COPS3: variants seen among roughly 807,000 people sequenced by gnomAD.
COPS3 encodes COP9 signalosome complex subunit 3.
In COPS3, 10 loss-of-function variants were observed where a neutral mutation model predicts 58.2. The observed-to-expected ratio is 0.17, with a 90% confidence interval of 0.11 to 0.29. COPS3 has a LOEUF of 0.29. Among genes scored for constraint, COPS3 ranks in the 10% least tolerant of loss-of-function variants. The pLI, the probability that COPS3 is intolerant of heterozygous loss-of-function variation, is 1.00. For missense variants in COPS3, 333 were observed against 510.1 expected (o/e 0.65, Z 3.34); for synonymous variants, 187 against 181.7 (o/e 1.03, Z -0.24).
chr17:17,275,668 G>A (rs996628348), intron 2 of COPS3, among the ~76,000 whole-genome samples: 1 of 152,148 alleles, frequency 6.6e-6, no homozygotes, highest in African/African-American at 2.4e-5. Context: ...CCAGGGCTGG[G>A]CGTGGTGGCT....
chr17:17,280,873 G>C (rs1379930209), intron 1 of COPS3: 2 of 1,077,018 alleles, frequency 1.9e-6, no homozygotes, highest in Non-Finnish European at 2.5e-6. Flanking sequence ...CCGGTGGAAG[G>C]GGCCCAGGCC....
chr17:17,255,318 C>CA (rs1188713921), intron 8 of COPS3, among the ~76,000 whole-genome samples: 31 of 132,982 alleles, frequency 2.3e-4, no homozygotes, highest in African/African-American at 7.8e-4. Context: ...AAACAAAAAA[C>CA]AAAAAAAGAA....
chr17:17,277,429 G>GT (rs962256823), intron 1 of COPS3, among the ~76,000 whole-genome samples: 1 of 152,052 alleles, frequency 6.6e-6, no homozygotes, highest in Admixed American at 6.6e-5. Flanking sequence ...GTTTTGTTTT[G>GT]TTTTTTGAGA....
At chr17:17,280,400 C>CAAA (rs377400440) in intron 1 of COPS3, among the ~76,000 whole-genome samples, 2 of 108,228 alleles carry the variant, frequency 1.8e-5, no homozygotes, top group Non-Finnish European at 3.9e-5. Flanking sequence ...GACTCCGTCT[C>CAAA]AAAAAAAAAA....
chr17:17,249,961 A>G (rs1160681316), intron 9 of COPS3, among the ~76,000 whole-genome samples: 1 of 152,096 alleles, frequency 6.6e-6, no homozygotes, highest in African/African-American at 2.4e-5. Flanking sequence ...ATTGGCATTT[A>G]ATGCATTCTA....
chr17:17,280,547 A>G, intron 1 of COPS3: 1 of 1,046,438 alleles, frequency 9.6e-7, no homozygotes, highest in Non-Finnish European at 1.2e-6. Context: ...GCTAAAAAAA[A>G]ACAAAGAAGA....
chr17:17,255,009 G>GTCC, intron 8 of COPS3, 64 bp from the exon 9 acceptor site: 2 of 1,207,892 alleles, frequency 1.7e-6, no homozygotes, highest in African/African-American at 1.5e-5. Flanking sequence ...TTTATTAAAT[G>GTCC]TGTACAGAGC....
intron 8 of COPS3, among the ~76,000 whole-genome samples, chr17:17,257,812 G>GAA (rs2048011886): frequency 6.9e-6 from 1 of 145,450 alleles, no homozygotes; most frequent in South Asian, 2.1e-4. Flanking sequence ...AAAAAAAAAA[G>GAA]AAAAAGAAAA....
chr17:17,264,512 A>G (rs1332972723), intron 6 of COPS3, among the ~76,000 whole-genome samples: 1 of 152,212 alleles, frequency 6.6e-6, no homozygotes. Flanking sequence ...TTATATGCAA[A>G]GGAAGCTATA....
At chr17:17,271,590 C>A (rs927210412) in intron 2 of COPS3, among the ~76,000 whole-genome samples, 1 of 151,102 alleles carries the variant, frequency 6.6e-6, no homozygotes, top group African/African-American at 2.4e-5. Flanking sequence ...GAGGCCAAGG[C>A]GGGAGGATCA....
rs1003577785 is a variant in COPS3, at chr17:17,247,004, G to A, written c.*94C>T. 3 of 1,086,888 alleles carry A rather than the reference G, an allele frequency of 2.8e-6. No homozygotes were observed. The highest frequency in any genetic ancestry group is 4.3e-6 in the Non-Finnish European group (3 of 699,914). The allele number at this position is 1,086,888 out of a possible 1,614,324, so 67.3% of individuals were successfully genotyped here. A position where few individuals can be genotyped will look rare whatever the true frequency, so the allele number is the denominator to read the frequency against. On this transcript the variant is annotated 3_prime_UTR_variant, in exon 12 of 12. Transcript: ENST00000268717. Reference sequence around the variant, plus strand: ...CAAAACTTAATTTCTTAGTCTCCAGGTGACACAGGCTTGGTCCTCTCTGCT... The same window carrying A: ...CAAAACTTAATTTCTTAGTCTCCAGATGACACAGGCTTGGTCCTCTCTGCT...
intron 9 of COPS3, among the ~76,000 whole-genome samples, chr17:17,250,382 G>A (rs1478564949): frequency 6.6e-6 from 1 of 151,058 alleles, no homozygotes; most frequent in African/African-American, 2.4e-5. Context: ...GGCCTCCTAA[G>A]TAGCTGGGAC....
At chr17:17,279,078 T>A (rs1376487022) in intron 1 of COPS3, among the ~76,000 whole-genome samples, 1 of 152,120 alleles carries the variant, frequency 6.6e-6, no homozygotes, top group East Asian at 1.9e-4. Context: ...TTCACCATGT[T>A]GGCCAGGGTG....
chr17:17,270,693 A>T, intron 4 of COPS3, 65 bp downstream of exon 4: 1 of 1,367,470 alleles, frequency 7.3e-7, no homozygotes, highest in Non-Finnish European at 1.0e-6. Flanking sequence ...TTGATAAAGT[A>T]ATTCATTGTG....
chr17:17,248,440 G>C (rs2047770463), intron 10 of COPS3, among the ~76,000 whole-genome samples: 1 of 152,120 alleles, frequency 6.6e-6, no homozygotes. Flanking sequence ...TCAGCCTCCA[G>C]AGTAGCTGGG....
chr17:17,251,694 A>G (rs2047847116), intron 9 of COPS3, among the ~76,000 whole-genome samples: 1 of 152,196 alleles, frequency 6.6e-6, no homozygotes, highest in South Asian at 2.1e-4. Flanking sequence ...GACTCTCACA[A>G]TGCTGAGCCA....
At chr17:17,277,543 G>A (rs1178462349) in intron 1 of COPS3, among the ~76,000 whole-genome samples, 1 of 151,338 alleles carries the variant, frequency 6.6e-6, no homozygotes, top group Non-Finnish European at 1.5e-5. Flanking sequence ...TTAGCCTCCC[G>A]AGTAGCTGGA....
At chr17:17,275,534 A>G (rs539130065) in intron 2 of COPS3, among the ~76,000 whole-genome samples, 84 of 152,352 alleles carry the variant, frequency 5.5e-4, no homozygotes, top group African/African-American at 2.0e-3. Context: ...AAATATAACA[A>G]GCAATTATTA....
chr17:17,273,040 T>A (rs563212448), intron 2 of COPS3, among the ~76,000 whole-genome samples: 1 of 152,380 alleles, frequency 6.6e-6, no homozygotes, highest in African/African-American at 2.4e-5. Context: ...ACAGTAGAAT[T>A]CTTTTTCTCT....
Sources: gnomAD v4.1 joint callset for allele counts (sites outside exome capture counted in the v4.1 genomes callset) on GRCh38, gnomAD v4.1.1 for gene constraint, MANE v1.5 for transcripts, NCBI Gene and HGNC (gene_info 2026-07-23, HGNC 2026-07-21) for gene names.